The following EFHD1 variants were observed in gnomAD, a reference collection of about 807,000 sequenced individuals.
EFHD1 encodes EF-hand domain family member D1.
Under a neutral mutation model 17.2 loss-of-function variants are expected in EFHD1, and 10 were observed. That is an observed-to-expected ratio of 0.58 (90% CI 0.36 to 0.99). EFHD1 has a LOEUF of 0.99. Ranked by LOEUF, EFHD1 falls within the 50% of genes least tolerant of loss-of-function variation. The probability of loss-of-function intolerance (pLI) is 0.01; values close to 1 mark genes in which losing one functional copy is unlikely to be tolerated. For synonymous variants in EFHD1, 153 were observed against 142.0 expected (o/e 1.08, Z -0.55); for missense variants, 310 against 327.5 (o/e 0.95, Z 0.41).
In EFHD1 at chr2:232,634,019, TGCGCG is replaced by T; in HGVS notation, c.302+14_302+18del. On this transcript the variant is annotated intron_variant, in intron 1 of 3. Coordinates refer to ENST00000264059, the MANE Select transcript of EFHD1 (RefSeq NM_025202.4). ...GCATGTTCAAACTGTGAGCTCCCGC[TGCGCG>T]CCCTTCGCCCCCGGGACCAGGGAGG... 6.3e-7 allele frequency: 1 copy of T among 1,596,790 alleles called. No homozygotes were observed. Among genetic ancestry groups the T allele is most frequent in the South Asian group, 1.1e-5 (1 of 91,022 alleles).
chr2:232,651,905 T>C (rs1694661738), intron 1 of EFHD1, among the ~76,000 whole-genome samples: 1 of 151,664 alleles, frequency 6.6e-6, no homozygotes, highest in Non-Finnish European at 1.5e-5. Flanking sequence ...TTATGAGGAC[T>C]GACCTGAAAA....
intron 3 of EFHD1, among the ~76,000 whole-genome samples, chr2:232,680,133 C>T (rs935421724): frequency 2.6e-5 from 4 of 151,872 alleles, no homozygotes; most frequent in African/African-American, 7.3e-5. Flanking sequence ...ATTAGCCAGA[C>T]GTGTGATGAC....
At chr2:232,681,461 C>T in intron 3 of EFHD1, 124 bp from the exon 4 acceptor site, 2 of 1,402,706 alleles carry the variant, frequency 1.4e-6, no homozygotes, top group Non-Finnish European at 1.9e-6. Context: ...GGGTCCTGCC[C>T]TCCGTGGGCC....
chr2:232,642,503 G>A (rs1358919395), intron 1 of EFHD1, among the ~76,000 whole-genome samples: 1 of 152,078 alleles, frequency 6.6e-6, no homozygotes, highest in Non-Finnish European at 1.5e-5. Flanking sequence ...AATAGTGTGT[G>A]GAATTGCACT....
At position 232,650,331 on chromosome 2, in the gene EFHD1, A is replaced by G. The variant is rs578152105; in HGVS notation, c.303-12471A>G. Among the ~76,000 whole-genome samples the G allele has an allele frequency of 4.2e-5, 5 of 120,468 alleles. No individual in the cohort carries two copies. In the East Asian group the frequency reaches 1.2e-3, roughly 28 times the overall value. 79.0% of individuals were successfully genotyped at this position (120,468 alleles called of 152,430 possible). A position where few individuals can be genotyped will look rare whatever the true frequency, so the allele number is the denominator to read the frequency against. ...TTTTTTAAGAAGGTGTTTCATTCTC[A>G]TTGTCCAGGCTGGAGTGCAGTGGTG... On this transcript the variant is annotated intron_variant, in intron 1 of 3. Transcript: ENST00000264059.
At chr2:232,668,513 A>T (rs372769984) in intron 2 of EFHD1, among the ~76,000 whole-genome samples, 1 of 151,596 alleles carries the variant, frequency 6.6e-6, no homozygotes, top group South Asian at 2.1e-4. Flanking sequence ...TGTCATCTCC[A>T]CTCTGGATTT....
intron 1 of EFHD1, among the ~76,000 whole-genome samples, chr2:232,641,968 C>T (rs746715649): frequency 3.9e-5 from 6 of 152,140 alleles, no homozygotes; most frequent in Non-Finnish European, 5.9e-5. Flanking sequence ...GAGGAAGCCT[C>T]GCAGCTGGCG....
intron 1 of EFHD1, chr2:232,611,471 T>C (rs1260824725): frequency 6.6e-6 from 1 of 152,076 alleles, no homozygotes; most frequent in Non-Finnish European, 1.5e-5. Context: ...AGGACCCCAG[T>C]CACCTGAGAA....
intron 1 of EFHD1, among the ~76,000 whole-genome samples, chr2:232,638,635 G>A (rs1694365118): frequency 1.3e-5 from 2 of 152,162 alleles, no homozygotes; most frequent in African/African-American, 4.8e-5. Flanking sequence ...GCCCTCTTAG[G>A]GAGGCTTACT....
At chr2:232,607,640 C>G (rs533212426) in intron 1 of EFHD1, among the ~76,000 whole-genome samples, 2 of 151,456 alleles carry the variant, frequency 1.3e-5, no homozygotes, top group Non-Finnish European at 2.9e-5. Flanking sequence ...CTTATAGTCC[C>G]AACTAATCAG....
intron 1 of EFHD1, among the ~76,000 whole-genome samples, chr2:232,657,860 G>A (rs754232165): frequency 6.1e-5 from 9 of 147,216 alleles, no homozygotes; most frequent in Non-Finnish European, 9.0e-5. Flanking sequence ...GGATCCTATG[G>A]TAATTCTTTG....
intron 1 of EFHD1, among the ~76,000 whole-genome samples, chr2:232,658,917 T>C (rs545243300): frequency 5.1e-4 from 77 of 152,284 alleles, no homozygotes; most frequent in African/African-American, 1.8e-3. Context: ...GTAAAGCTGT[T>C]TTTTAAAAAA....
intron 3 of EFHD1, among the ~76,000 whole-genome samples, chr2:232,677,274 TACACACACAC>T (rs36180788): frequency 1.4e-5 from 2 of 141,348 alleles, no homozygotes; most frequent in Admixed American, 6.8e-5. Flanking sequence ...AACACACACA[TACACACACAC>T]ACACACACAC....
chr2:232,654,151 G>C lies in EFHD1; in HGVS notation c.303-8651G>C, dbSNP rs1574721996. ...GAACCCGGGAGGCAGAAGTTGCAGT[G>C]AGCTGAGATCGCACCACTGCACTCC... On this transcript the variant is annotated intron_variant, in intron 1 of 3. Coordinates refer to ENST00000264059, the MANE Select transcript of EFHD1 (RefSeq NM_025202.4). Among the ~76,000 whole-genome samples, 3 of 150,048 alleles carry C rather than the reference G, an allele frequency of 2.0e-5. No individual in the cohort carries two copies. In the South Asian group the frequency reaches 6.3e-4, roughly 31 times the overall value.
At chr2:232,681,065 A>G (rs1695273380) in intron 3 of EFHD1, among the ~76,000 whole-genome samples, 2 of 152,100 alleles carry the variant, frequency 1.3e-5, no homozygotes, top group Non-Finnish European at 2.9e-5. Context: ...CTGAGACAGA[A>G]GAACTGCTTG....
intron 2 of EFHD1, among the ~76,000 whole-genome samples, chr2:232,669,479 A>C (rs547288281): frequency 1.3e-5 from 2 of 152,116 alleles, no homozygotes; most frequent in Admixed American, 1.3e-4. Flanking sequence ...CATGAAACAC[A>C]CTTCCCTCTG....
chr2:232,657,719 G>A (rs1236885503), intron 1 of EFHD1, among the ~76,000 whole-genome samples: 1 of 151,060 alleles, frequency 6.6e-6, no homozygotes, highest in Non-Finnish European at 1.5e-5. Flanking sequence ...GCCTGAGGCA[G>A]GAGAATCACT....
At chr2:232,622,400 C>T (rs1261038209) in intron 1 of EFHD1, among the ~76,000 whole-genome samples, 2 of 138,034 alleles carry the variant, frequency 1.4e-5, no homozygotes, top group East Asian at 2.1e-4. Flanking sequence ...ACCTGGGAGG[C>T]GGAGGTTGCA....
At chr2:232,646,313 C>T (rs2106200964) in intron 1 of EFHD1, among the ~76,000 whole-genome samples, 1 of 152,176 alleles carries the variant, frequency 6.6e-6, no homozygotes, top group African/African-American at 2.4e-5. Flanking sequence ...CCAGGCCTTG[C>T]TCTCACTGAG....
Sources: allele counts gnomAD v4.1 joint callset (sites outside exome capture counted in the v4.1 genomes callset), GRCh38; gene constraint gnomAD v4.1.1; transcripts MANE v1.5; gene names NCBI Gene and HGNC (gene_info 2026-07-23, HGNC 2026-07-21).